MYO1E: variants seen among roughly 807,000 people sequenced by gnomAD.
MYO1E encodes unconventional myosin-Ie.
A neutral mutation model predicts 151.1 loss-of-function variants in MYO1E; 68 were observed. The observed-to-expected ratio is 0.45, with a 90% CI of 0.37 to 0.55. The LOEUF is 0.55. Ranked by LOEUF, MYO1E falls within the 20% of genes least tolerant of loss-of-function variation. The pLI is 0.00. For synonymous variants in MYO1E, 601 were observed against 501.7 expected (o/e 1.20, Z -2.64); for missense variants, 1,363 against 1,389.3 (o/e 0.98, Z 0.30).
intron 1 of MYO1E, among the ~76,000 whole-genome samples, chr15:59,323,677 A>G (rs1466898725): frequency 6.6e-6 from 1 of 151,878 alleles, no homozygotes; most frequent in East Asian, 1.9e-4. Context: ...AAAAAAAATT[A>G]AGGGTGATTT....
chr15:59,288,463 T>C (rs2080400205), intron 1 of MYO1E, among the ~76,000 whole-genome samples: 1 of 152,166 alleles, frequency 6.6e-6, no homozygotes, highest in Non-Finnish European at 1.5e-5. Flanking sequence ...AGGTGTGAGC[T>C]GTCATACCCA....
chr15:59,208,224 C>T lies in MYO1E; in HGVS notation c.1530+457G>A, dbSNP rs1443024604. 51 of 769,184 alleles carry T rather than the reference C, an allele frequency of 6.6e-5. No individual in the cohort carries two copies. In the Admixed American group the frequency reaches 1.7e-3, roughly 25 times the overall value. 47.6% of individuals were successfully genotyped at this position (769,184 alleles called of 1,614,324 possible). A position where few individuals can be genotyped will look rare whatever the true frequency, so the allele number is the denominator to read the frequency against. On this transcript the variant is annotated intron_variant, in intron 14 of 27. Transcript: ENST00000288235. The stretch of plus-strand genomic sequence containing the variant: ...AGAGTGATTTTCCTATTTATTTAGT[C>T]CTCCAGCTCTTTTATTGAGCATCCA...
chr15:59,314,748 CATCCTCCT>C (rs1458859516), intron 1 of MYO1E, among the ~76,000 whole-genome samples: 1 of 152,096 alleles, frequency 6.6e-6, no homozygotes, highest in African/African-American at 2.4e-5. Flanking sequence ...TGTAGCTAAA[CATCCTCCT>C]ATGCACAGGA....
intron 1 of MYO1E, among the ~76,000 whole-genome samples, chr15:59,297,831 C>T (rs928941015): frequency 2.6e-5 from 4 of 152,168 alleles, no homozygotes; most frequent in South Asian, 2.1e-4. Flanking sequence ...ATCCTCCCAC[C>T]GTGGGCTTTG....
At chr15:59,288,123 C>A (rs1265666241) in intron 1 of MYO1E, among the ~76,000 whole-genome samples, 1 of 152,128 alleles carries the variant, frequency 6.6e-6, no homozygotes, top group South Asian at 2.1e-4. Context: ...TGTCACTCAC[C>A]GACTCACCAA....
chr15:59,371,473 TAG>T (rs1157260100), intron 1 of MYO1E, among the ~76,000 whole-genome samples: 1 of 149,502 alleles, frequency 6.7e-6, no homozygotes, highest in South Asian at 2.1e-4. Context: ...CTCTTCAAAA[TAG>T]AGTCCTTGCT....
At chr15:59,307,784 A>G (rs1348802581) in intron 1 of MYO1E, among the ~76,000 whole-genome samples, 2 of 151,622 alleles carry the variant, frequency 1.3e-5, no homozygotes, top group African/African-American at 2.4e-5. Context: ...CTAACTTTCT[A>G]TCTTTAGTAG....
chr15:59,218,250 G>T, intron 9 of MYO1E, 163 bp from the exon 10 acceptor site: 1 of 779,692 alleles, frequency 1.3e-6, no homozygotes, highest in Non-Finnish European at 2.2e-6. Flanking sequence ...CTGCTTATCA[G>T]TAATCCCATA....
Position 59,137,383 on chromosome 15 carries a change from G to A in MYO1E, c.3324C>T (p.Ile1108=), listed in dbSNP as rs1293053479. The A allele has an allele frequency of 6.2e-7, 1 of 1,614,048 alleles. No individual in the cohort carries two copies. Among genetic ancestry groups the A allele is most frequent in the African/African-American group, 1.3e-5 (1 of 74,936 alleles). The change falls in exon 28 of 28, where the codon ATC becomes ATT. Residue 1108 remains isoleucine (I), a synonymous_variant. Coordinates refer to ENST00000288235, the MANE Select transcript of MYO1E (RefSeq NM_004998.4). Reference sequence around the variant, plus strand: ...ATGTGTCAGAGTCACGGGCACCTCAGATCTTGGTCACATAGTTGTTGGGGA... The same window carrying A: ...ATGTGTCAGAGTCACGGGCACCTCAAATCTTGGTCACATAGTTGTTGGGGA... ...GLFPNNYVTK[I]
chr15:59,322,156 C>G (rs1311242463), intron 1 of MYO1E, among the ~76,000 whole-genome samples: 2 of 147,780 alleles, frequency 1.4e-5, no homozygotes, highest in Non-Finnish European at 3.0e-5. Flanking sequence ...GCCCGGGCAA[C>G]AGAGTAAGAC....
intron 4 of MYO1E, among the ~76,000 whole-genome samples, chr15:59,250,007 C>T (rs1566991868): frequency 6.6e-6 from 1 of 152,148 alleles, no homozygotes; most frequent in Non-Finnish European, 1.5e-5. Flanking sequence ...AGGCGTGCTG[C>T]CCAGGGTCAG....
At chr15:59,307,611 T>C (rs2080522275) in intron 1 of MYO1E, among the ~76,000 whole-genome samples, 2 of 112,664 alleles carry the variant, frequency 1.8e-5, no homozygotes, top group Admixed American at 7.5e-5. Context: ...GTTTTTGTTT[T>C]TGGTTTTGGT....
chr15:59,171,130 G>T (rs1426260750), intron 22 of MYO1E: 1 of 155,966 alleles, frequency 6.4e-6, no homozygotes, highest in South Asian at 2.0e-4. Flanking sequence ...GCGGAACTTA[G>T]TCTAGGAGTT....
Position 59,372,856 on chromosome 15 carries a change from C to G in MYO1E, c.-356G>C. The G allele has an allele frequency of 2.7e-6, 1 of 366,162 alleles. No homozygotes were observed. Among genetic ancestry groups the G allele is most frequent in the Non-Finnish European group, 5.0e-6 (1 of 201,916 alleles). 22.7% of individuals were successfully genotyped at this position (366,162 alleles called of 1,614,324 possible). On this transcript the variant is annotated 5_prime_UTR_variant, in exon 1 of 28. Transcript: ENST00000288235. ...TTTCTTCGGCCACTTAATCCGTACT[C>G]CTCTGGCTGAGTCTCGGCTCGGGCC...
chr15:59,243,440 T>C (rs529321411), intron 4 of MYO1E, among the ~76,000 whole-genome samples: 3 of 152,278 alleles, frequency 2.0e-5, no homozygotes, highest in Non-Finnish European at 4.4e-5. Flanking sequence ...GAGTCCTGTG[T>C]GGTAGGTGCT....
At position 59,215,186 on chromosome 15, in the gene MYO1E, C is replaced by T. The variant is rs187900831; in HGVS notation, c.1108-466G>A. Among the ~76,000 whole-genome samples, 27 of 152,128 alleles carry T rather than the reference C, an allele frequency of 1.8e-4. 1 individual carries two copies. In the East Asian group the frequency reaches 2.5e-3, roughly 14 times the overall value. On this transcript the variant is annotated intron_variant, in intron 10 of 27. Coordinates refer to ENST00000288235, the MANE Select transcript of MYO1E (RefSeq NM_004998.4). ...GGACAAGACAACCCTTGTTCCTAGG[C>T]GCTTATAGAGAGGGTGAGCTATCTG...
intron 2 of MYO1E, among the ~76,000 whole-genome samples, chr15:59,262,566 TG>T (rs1485370968): frequency 5.9e-5 from 9 of 152,124 alleles, no homozygotes; most frequent in African/African-American, 2.2e-4. Flanking sequence ...AGTCGGAGGT[TG>T]CAGTGAGCCC....
chr15:59,300,565 G>A (rs1296009897), intron 1 of MYO1E, among the ~76,000 whole-genome samples: 1 of 152,066 alleles, frequency 6.6e-6, no homozygotes, highest in African/African-American at 2.4e-5. Context: ...CCCATGATGC[G>A]GTCACACTTT....
intron 1 of MYO1E, among the ~76,000 whole-genome samples, chr15:59,331,575 C>T (rs1332711075): frequency 1.3e-5 from 2 of 152,258 alleles, no homozygotes; most frequent in Non-Finnish European, 2.9e-5. Context: ...CAACACCAGC[C>T]CCAAATTGTT....
Sources: gnomAD v4.1 joint callset for allele counts (sites outside exome capture counted in the v4.1 genomes callset) on GRCh38, gnomAD v4.1.1 for gene constraint, MANE v1.5 for transcripts, NCBI Gene and HGNC (gene_info 2026-07-23, HGNC 2026-07-21) for gene names.